Variants in LOXL3 observed in about 807,000 individuals in gnomAD.
LOXL3 encodes the protein lysyl oxidase homolog 3.
A neutral mutation model predicts 91.8 loss-of-function variants in LOXL3; 60 were observed. The ratio of observed to expected loss-of-function variants is 0.65; its 90% confidence interval spans 0.53 to 0.81. The LOEUF (loss-of-function observed/expected upper bound fraction) is 0.81. Among genes scored for constraint, LOXL3 ranks in the 30% least tolerant of loss-of-function variants. The pLI is 0.00. For synonymous variants in LOXL3, 355 were observed against 387.6 expected, an observed-to-expected ratio of 0.92 and a Z score of 0.99; for missense variants, 874 against 1,000.4, an observed-to-expected ratio of 0.87 and a Z score of 1.70.
At chr2:74,538,505 T>G (rs1676148206) in intron 4 of LOXL3, among the ~76,000 whole-genome samples, 1 of 152,230 alleles carries the variant, frequency 6.6e-6, no homozygotes, top group Admixed American at 6.5e-5. Context: ...AAACTGCCTT[T>G]TGAAGACAAG....
rs200302974 is a variant in LOXL3 at position 74,549,350 on chromosome 2, G to T, written c.692+19C>A. 41 of 1,552,676 alleles carry T rather than the reference G, an allele frequency of 2.6e-5. No homozygotes were observed. The African/African-American group carries it at 3.5e-4, about 13-fold the overall frequency. ...ACCCCAATCCCGGCCTGCTCCGCCC[G>T]GCGCCCGCGGCCCCTCACCTGTAGA... On this transcript the variant is annotated intron_variant, in intron 4 of 13. Coordinates refer to ENST00000264094, the MANE Select transcript of LOXL3 (RefSeq NM_032603.5). The surrounding 1 kb of genome is among the most constrained non-coding windows in gnomAD (Gnocchi z 5.3).
intron 4 of LOXL3, among the ~76,000 whole-genome samples, chr2:74,548,014 TC>T (rs1447189878): frequency 7.2e-5 from 11 of 152,250 alleles, no homozygotes; most frequent in Admixed American, 4.6e-4. Flanking sequence ...TTCTGTTTCT[TC>T]CCAGTTGGTG....
At chr2:74,538,092 G>T (rs1676127336) in intron 4 of LOXL3, among the ~76,000 whole-genome samples, 1 of 152,204 alleles carries the variant, frequency 6.6e-6, no homozygotes, top group Non-Finnish European at 1.5e-5. Context: ...AGGATAAATG[G>T]ATCCTGAAGA....
Position 74,536,957 on chromosome 2 carries a change from G to T in LOXL3, c.693-29C>A. ...GGGGGACAGGAGTGAGGTGCAGTAG[G>T]GTAAAACAATGCTCCTGCCTCTTGG... On this transcript the variant is annotated intron_variant, in intron 4 of 13. Transcript: ENST00000264094. This position sits in a 1 kb window ranked among gnomAD's most constrained non-coding sequence, Gnocchi z 4.5. 1 of 1,583,102 alleles carries T rather than the reference G, an allele frequency of 6.3e-7. No individual in the cohort carries two copies. Among genetic ancestry groups the T allele is most frequent in the Non-Finnish European group, 8.7e-7 (1 of 1,153,556 alleles).
At chr2:74,554,689 C>A, upstream of LOXL3, 3 of 1,536,222 alleles carry the variant, frequency 2.0e-6, no homozygotes, top group East Asian at 2.3e-5. This position sits in a 1 kb window ranked among gnomAD's most constrained non-coding sequence, Gnocchi z 4.9. Flanking sequence ...CCAGGGAACC[C>A]GGCCCCGCCT....
chr2:74,541,689 T>C (rs910358894), intron 4 of LOXL3, among the ~76,000 whole-genome samples: 14 of 152,086 alleles, frequency 9.2e-5, no homozygotes, highest in Admixed American at 9.2e-4. Context: ...TACTAAAACA[T>C]TTTGGTATTA....
Position 74,549,642 on chromosome 2 carries a change from C to T in LOXL3, c.478-59G>A, listed in dbSNP as rs141984491. 1.0e-4 allele frequency: 158 copies of T among 1,537,040 alleles called. No homozygotes were observed. The highest frequency in any genetic ancestry group is 1.2e-4 in the Non-Finnish European group (140 of 1,134,184). The stretch of plus-strand genomic sequence containing the variant: ...CAGTGGCACCTTTCATGTGTCCCGC[C>T]GCCCTTAAGGAACCCTGCTTGGTGT... On this transcript the variant is annotated intron_variant, in intron 3 of 13. Transcript: ENST00000264094. The surrounding 1 kb of genome is among the most constrained non-coding windows in gnomAD (Gnocchi z 5.3).
At chr2:74,534,490 C>G (rs997290217) in intron 10 of LOXL3, 41 bp downstream of exon 10, 3 of 1,613,376 alleles carry the variant, frequency 1.9e-6, no homozygotes, top group Non-Finnish European at 2.5e-6. Context: ...TGCCCCATCC[C>G]CCGTGGTCTT....
At chr2:74,534,816 C>T in intron 9 of LOXL3, 42 bp from the exon 10 acceptor site, 1 of 1,594,014 alleles carries the variant, frequency 6.3e-7, no homozygotes, top group Non-Finnish European at 8.6e-7. Context: ...TCACTGCTGA[C>T]TTCACAGAGA....
rs79220020 is a variant in LOXL3, at chr2:74,533,079, C to T, written c.*527G>A. 6.9e-3 allele frequency: 8,422 copies of T among 1,228,668 alleles called. 444 individuals are homozygous for T. In the African/African-American group the frequency reaches 0.11, roughly 16 times the overall value. The allele number at this position is 1,228,668 out of a possible 1,614,324, so 76.1% of individuals were successfully genotyped here. On this transcript the variant is annotated 3_prime_UTR_variant, in exon 14 of 14. Coordinates refer to ENST00000264094, the MANE Select transcript of LOXL3 (RefSeq NM_032603.5). ...GCACCGAGACAGAGGGTTAAATGAA[C>T]CAGTGGGGGCAGGTCCCTCCAACCA...
rs1677069271 is a variant in LOXL3 at position 74,552,339 on chromosome 2, T to A, written c.296A>T (p.Lys99Ile). The A allele has an allele frequency of 6.2e-7, 1 of 1,601,058 alleles. No homozygotes were observed. Among genetic ancestry groups the A allele is most frequent in the African/African-American group, 1.3e-5 (1 of 74,706 alleles). The change falls in exon 2 of 14, where the codon AAA becomes ATA. Residue 99 changes from lysine (K) to isoleucine (I), a missense_variant. Physicochemically the swap from Lys to Ile is moderately radical, Grantham distance 102 (BLOSUM62 -3). Transcript: ENST00000264094. Reference protein sequence around the residue: ...TEATGWTHSAKYGPGTGRIWL... With the variant: ...TEATGWTHSAIYGPGTGRIWL... ...TTGCTCACCTGTTCCAGGGCCATATTTGGCACTGTGGGTCCAGCCTGTGGC... is the reference window on the plus strand; with the variant it reads ...TTGCTCACCTGTTCCAGGGCCATATATGGCACTGTGGGTCCAGCCTGTGGC...
rs781439724 is a variant in LOXL3, at chr2:74,535,251, C to A, written c.1579+41G>T. ...TTTCCCTGCAAACGGGTGGCCCAGA[C>A]ACTCCCTTCCCTGGCATGCATCACC... On this transcript the variant is annotated intron_variant, in intron 9 of 13. Transcript: ENST00000264094. The surrounding 1 kb of genome is among the most constrained non-coding windows in gnomAD (Gnocchi z 4.2). The A allele has an allele frequency of 4.4e-6, 7 of 1,581,198 alleles. No homozygotes were observed. Among genetic ancestry groups the A allele is most frequent in the Non-Finnish European group, 6.0e-6 (7 of 1,161,976 alleles).
At chr2:74,554,608 C>A, upstream of LOXL3, 1 of 714,234 alleles carries the variant, frequency 1.4e-6, no homozygotes, top group Non-Finnish European at 2.3e-6. The surrounding 1 kb of genome is among the most constrained non-coding windows in gnomAD (Gnocchi z 4.9). Context: ...TTCCTTCTCG[C>A]TCCTCTCCCT....
At position 74,536,453 on chromosome 2, in the gene LOXL3, C is replaced by G; in HGVS notation, c.931G>C (p.Gly311Arg). The change falls in exon 6 of 14, where the codon GGC becomes CGC. Residue 311 changes from glycine (G) to arginine (R), a missense_variant. Transcript: ENST00000264094. This position sits in a 1 kb window ranked among gnomAD's most constrained non-coding sequence, Gnocchi z 4.5. Reference sequence around the variant, plus strand: ...CGGCCCTCTCCAGGGTGGGCGCCGCCCTTTAGACGGACACGGGCCTATAGA... The same window carrying G: ...CGGCCCTCTCCAGGGTGGGCGCCGCGCTTTAGACGGACACGGGCCTATAGA... Reference protein sequence around the residue: ...PQGEARVRLKGGAHPGEGRVE... With the variant: ...PQGEARVRLKRGAHPGEGRVE... The G allele has an allele frequency of 6.2e-7, 1 of 1,613,608 alleles. No individual in the cohort carries two copies. The highest frequency in any genetic ancestry group is 8.5e-7 in the Non-Finnish European group (1 of 1,179,914).
At position 74,551,262 on chromosome 2, in the gene LOXL3, T is replaced by G. The variant is rs193145905; in HGVS notation, c.314-914A>C. On this transcript the variant is annotated intron_variant, in intron 2 of 13. Transcript: ENST00000264094. ...ACCCTGTGGAGTATCACTGGCTTCC[T>G]CTCAGAATTGGGCGCAGCCTCAAAG... Among the ~76,000 whole-genome samples, 150 of 152,344 alleles carry G rather than the reference T, an allele frequency of 9.8e-4. 2 individuals carry two copies. Among genetic ancestry groups the G allele is most frequent in the African/African-American group, 3.5e-3 (147 of 41,578 alleles).
At position 74,549,295 on chromosome 2, in the gene LOXL3, G is replaced by A. The variant is rs148092041; in HGVS notation, c.692+74C>T. ...TCCTCCCGTGCCCCGGACCTGCTCA[G>A]ATGTCTCCCAAGGCTATTCATCAGG... On this transcript the variant is annotated intron_variant, in intron 4 of 13. Transcript: ENST00000264094. The surrounding 1 kb of genome is among the most constrained non-coding windows in gnomAD (Gnocchi z 5.3). 1.7e-4 allele frequency: 244 copies of A among 1,460,200 alleles called. 1 individual carries two copies. In the African/African-American group the frequency reaches 3.2e-3, roughly 19 times the overall value. 90.5% of individuals were successfully genotyped at this position (1,460,200 alleles called of 1,614,324 possible).
chr2:74,554,849 G>A (rs1348940858), upstream of LOXL3: 2 of 1,612,368 alleles, frequency 1.2e-6, no homozygotes, highest in Admixed American at 3.3e-5. The surrounding 1 kb of genome is among the most constrained non-coding windows in gnomAD (Gnocchi z 4.9). Flanking sequence ...CCTTATCCGG[G>A]CTAGTAGTGG....
At position 74,535,650 on chromosome 2, in the gene LOXL3, TC is replaced by T; in HGVS notation, c.1353del (p.Thr452ProfsTer31). ...CTACAGGCCACCATGGCCTCCAGGG[TC>T]CCCCAGTCATCCCCACAGATGAGGC... ...RWGLICGDDWGTLEAMVACRQ... is the reference protein window; with the variant it reads ...RWGLICGDDWXTLEAMVACRQ... On this transcript the variant is annotated frameshift_variant, in exon 8 of 14. Coordinates refer to ENST00000264094, the MANE Select transcript of LOXL3 (RefSeq NM_032603.5). LOFTEE classifies it high-confidence loss of function. This position sits in a 1 kb window ranked among gnomAD's most constrained non-coding sequence, Gnocchi z 4.2. 1 of 1,613,692 alleles carries T rather than the reference TC, an allele frequency of 6.2e-7. No individual in the cohort carries two copies. The highest frequency in any genetic ancestry group is 1.1e-5 in the South Asian group (1 of 91,026).
At position 74,548,510 on chromosome 2, in the gene LOXL3, C is replaced by G. The variant is rs1037649999; in HGVS notation, c.692+859G>C. On this transcript the variant is annotated intron_variant, in intron 4 of 13. Coordinates refer to ENST00000264094, the MANE Select transcript of LOXL3 (RefSeq NM_032603.5). Reference sequence around the variant, plus strand: ...GACCCCATCTGAAGTAGTGTGCCCGCGGAAACCTATCCGGACATCAAGAGG... The same window carrying G: ...GACCCCATCTGAAGTAGTGTGCCCGGGGAAACCTATCCGGACATCAAGAGG... Among the ~76,000 whole-genome samples the G allele has an allele frequency of 2.0e-5, 3 of 152,190 alleles. No homozygotes were observed. The South Asian group carries it at 6.2e-4, about 32-fold the overall frequency.
Sources: gnomAD v4.1 joint callset for allele counts (sites outside exome capture counted in the v4.1 genomes callset) on GRCh38, gnomAD v4.1.1 for gene constraint, Gnocchi (gnomAD v3.1) non-coding constraint, MANE v1.5 for transcripts, NCBI Gene and HGNC (gene_info 2026-07-23, HGNC 2026-07-21) for gene names.